Variants in ARID2 observed in about 807,000 individuals in gnomAD.
ARID2 encodes AT-rich interaction domain 2, also known as AT-rich interactive domain-containing protein 2.
In ARID2, 32 loss-of-function variants were observed where a neutral mutation model predicts 184.6. The ratio of observed to expected loss-of-function variants is 0.17; its 90% confidence interval spans 0.13 to 0.23. The LOEUF (loss-of-function observed/expected upper bound fraction) is 0.23. Among genes scored for constraint, ARID2 ranks in the 10% least tolerant of loss-of-function variants. The pLI is 1.00. For missense variants in ARID2, 1,696 were observed against 2,197.6 expected (o/e 0.77, Z 4.56); for synonymous variants, 836 against 772.6 (o/e 1.08, Z -1.36).
intron 6 of ARID2, among the ~76,000 whole-genome samples, chr12:45,829,817 T>TA (rs1230180007): frequency 4.0e-5 from 6 of 148,948 alleles, no homozygotes; most frequent in Admixed American, 6.7e-5. Flanking sequence ...TTTTTTTTTT[T>TA]AATCAATTTC....
intron 15 of ARID2, among the ~76,000 whole-genome samples, chr12:45,855,712 ATTTC>A (rs1213974420): frequency 1.3e-5 from 2 of 152,042 alleles, no homozygotes; most frequent in African/African-American, 2.4e-5. Context: ...CATCCTTTTA[ATTTC>A]TTTCTTTTTT....
At position 45,906,004 on chromosome 12, in the gene ARID2, A is replaced by G; in HGVS notation, c.*926A>G. The G allele has an allele frequency of 4.4e-6, 1 of 226,046 alleles. No homozygotes were observed. Among genetic ancestry groups the G allele is most frequent in the Non-Finnish European group, 8.6e-6 (1 of 116,134 alleles). The allele number at this position is 226,046 out of a possible 1,614,324, so 14.0% of individuals were successfully genotyped here. ...TAGAACTCATTTTGCTGGCTGAAAG[A>G]GTATGGAATAATATATCTCATGTCA... On this transcript the variant is annotated 3_prime_UTR_variant, in exon 21 of 21. Transcript: ENST00000334344.
At chr12:45,805,384 C>A (rs1942581653) in intron 3 of ARID2, among the ~76,000 whole-genome samples, 1 of 151,990 alleles carries the variant, frequency 6.6e-6, no homozygotes, top group African/African-American at 2.4e-5. Context: ...TTAATTCTTA[C>A]TAGTTTTCTT....
In ARID2 at chr12:45,899,697, ATATATATATATGGT is replaced by A. The variant is rs1300440865; in HGVS notation, c.5364-5207_5364-5194del. Among the ~76,000 whole-genome samples the A allele has an allele frequency of 4.3e-3, 454 of 105,480 alleles. 2 individuals carry two copies. The highest frequency in any genetic ancestry group is 0.013 in the East Asian group (59 of 4,582). 69.2% of individuals were successfully genotyped at this position (105,480 alleles called of 152,430 possible). The stretch of plus-strand genomic sequence containing the variant: ...TATATATGGTTATATATATATGGTT[ATATATATATATGGT>A]TATATATATATGGTTATATATATAT... On this transcript the variant is annotated intron_variant, in intron 20 of 20. Transcript: ENST00000334344.
intron 16 of ARID2, among the ~76,000 whole-genome samples, chr12:45,866,333 T>C (rs1381155950): frequency 6.6e-6 from 1 of 152,198 alleles, no homozygotes. Flanking sequence ...ATAAATAAGA[T>C]GCAATGATCC....
intron 3 of ARID2, among the ~76,000 whole-genome samples, chr12:45,788,993 A>T (rs1471219011): frequency 2.6e-5 from 4 of 152,190 alleles, no homozygotes; most frequent in Non-Finnish European, 4.4e-5. Flanking sequence ...TAATTCTTCT[A>T]ACCTGATGTT....
At chr12:45,744,481 T>C (rs959926182) in intron 3 of ARID2, among the ~76,000 whole-genome samples, 1 of 152,176 alleles carries the variant, frequency 6.6e-6, no homozygotes, top group Non-Finnish European at 1.5e-5. Flanking sequence ...TATATTTGAA[T>C]ATGAGTGTTT....
intron 20 of ARID2, among the ~76,000 whole-genome samples, chr12:45,896,548 C>T (rs1371429853): frequency 2.6e-5 from 4 of 152,204 alleles, no homozygotes; most frequent in African/African-American, 9.6e-5. Context: ...TGTTTGCCAC[C>T]ATGTGAGACG....
chr12:45,801,188 C>T (rs1942492319), intron 3 of ARID2, among the ~76,000 whole-genome samples: 1 of 151,622 alleles, frequency 6.6e-6, no homozygotes, highest in Admixed American at 6.6e-5. Context: ...GGTAGGCGCC[C>T]GTAGTCGCAG....
chr12:45,896,053 C>G (rs1190182201), intron 20 of ARID2, among the ~76,000 whole-genome samples: 1 of 152,206 alleles, frequency 6.6e-6, no homozygotes, highest in African/African-American at 2.4e-5. Flanking sequence ...CAACCCCTGT[C>G]AACATCCCAA....
chr12:45,867,817 C>T (rs1041815899), intron 16 of ARID2, among the ~76,000 whole-genome samples: 1 of 151,770 alleles, frequency 6.6e-6, no homozygotes, highest in Non-Finnish European at 1.5e-5. Flanking sequence ...TCTTGAACTC[C>T]TGGTCTCAAG....
intron 3 of ARID2, among the ~76,000 whole-genome samples, chr12:45,800,747 T>C (rs1314421185): frequency 6.6e-6 from 1 of 151,266 alleles, no homozygotes; most frequent in Non-Finnish European, 1.5e-5. Flanking sequence ...AAATATAAAG[T>C]AAGAAACTGC....
chr12:45,889,279 C>A (rs913783844), intron 16 of ARID2, among the ~76,000 whole-genome samples: 5 of 152,114 alleles, frequency 3.3e-5, no homozygotes, highest in African/African-American at 7.2e-5. Context: ...TGTTTAAAAA[C>A]ACATACATAC....
At chr12:45,741,216 G>T (rs1451403649) in intron 3 of ARID2, among the ~76,000 whole-genome samples, 1 of 151,658 alleles carries the variant, frequency 6.6e-6, no homozygotes, top group Non-Finnish European at 1.5e-5. Flanking sequence ...TTTGAGACTG[G>T]GTCTCACTCT....
intron 3 of ARID2, among the ~76,000 whole-genome samples, chr12:45,807,379 G>C (rs1427257860): frequency 6.6e-6 from 1 of 152,000 alleles, no homozygotes; most frequent in African/African-American, 2.4e-5. Context: ...ATTGGTAGTG[G>C]TGGTGGTTAT....
chr12:45,750,329 C>T (rs948910906), intron 3 of ARID2, among the ~76,000 whole-genome samples: 1 of 151,950 alleles, frequency 6.6e-6, no homozygotes, highest in African/African-American at 2.4e-5. Flanking sequence ...TTTGGGGTGC[C>T]CCCAAACAAA....
In ARID2 at chr12:45,737,230, T is replaced by C. The variant is rs925555285; in HGVS notation, c.284+5916T>C. Among the ~76,000 whole-genome samples the C allele has an allele frequency of 4.6e-5, 7 of 152,254 alleles. 1 individual carries two copies. Among genetic ancestry groups the C allele is most frequent in the Admixed American group, 4.6e-4 (7 of 15,286 alleles). On this transcript the variant is annotated intron_variant, in intron 3 of 20. Transcript: ENST00000334344. ...GTTGACCAAAAATGATAGACCCATA[T>C]TCCATGAATATCTAAGTCAGCGTTT...
chr12:45,811,890 TAG>T (rs1386190091), intron 4 of ARID2, among the ~76,000 whole-genome samples: 4 of 152,220 alleles, frequency 2.6e-5, no homozygotes, highest in African/African-American at 9.6e-5. Flanking sequence ...AATTTTCTTA[TAG>T]AGTCTATTAG....
At chr12:45,860,985 C>A (rs1317313569) in intron 16 of ARID2, 36 bp downstream of exon 16, 3 of 1,448,410 alleles carry the variant, frequency 2.1e-6, no homozygotes, top group Non-Finnish European at 1.8e-6. Flanking sequence ...TAAAAGTATT[C>A]TTTGTTTTGG....
Sources: gnomAD v4.1 joint callset for allele counts (sites outside exome capture counted in the v4.1 genomes callset) on GRCh38, gnomAD v4.1.1 for gene constraint, MANE v1.5 for transcripts, NCBI Gene and HGNC (gene_info 2026-07-23, HGNC 2026-07-21) for gene names.